Variants in RORA observed in about 807,000 individuals in gnomAD.
RORA encodes the protein RAR related orphan receptor A.
In RORA, 7 loss-of-function variants were observed where a neutral mutation model predicts 69.5. The ratio of observed to expected loss-of-function variants is 0.10; its 90% CI spans 0.06 to 0.19. The LOEUF (loss-of-function observed/expected upper bound fraction) is 0.19. Among genes scored for constraint, RORA ranks in the 10% least tolerant of loss-of-function variants. RORA has a pLI of 1.00. For synonymous variants in RORA, 261 were observed against 240.8 expected, an observed-to-expected ratio of 1.08 and a Z score of -0.78; for missense variants, 457 against 663.0, an observed-to-expected ratio of 0.69 and a Z score of 3.41.
chr15:61,092,256 A>G (rs111259756), intron 1 of RORA, among the ~76,000 whole-genome samples: 1 of 152,246 alleles, frequency 6.6e-6, no homozygotes, highest in African/African-American at 2.4e-5. Context: ...TATGAAACTC[A>G]CTTAAAGGCT....
At chr15:60,783,916 A>G (rs2072298331) in intron 1 of RORA, among the ~76,000 whole-genome samples, 1 of 152,242 alleles carries the variant, frequency 6.6e-6, no homozygotes. Context: ...GGCAAAGAAG[A>G]GAATTTGTAC....
At chr15:61,100,734 C>A (rs946552368) in intron 1 of RORA, among the ~76,000 whole-genome samples, 2 of 152,214 alleles carry the variant, frequency 1.3e-5, no homozygotes, top group Non-Finnish European at 2.9e-5. Flanking sequence ...CATTATCTAT[C>A]ACCAGCACAT....
At position 60,738,561 on chromosome 15, in the gene RORA, G is replaced by A. The variant is rs139738368; in HGVS notation, c.167-59875C>T. Among the ~76,000 whole-genome samples the A allele has an allele frequency of 2.8e-3, 419 of 152,296 alleles. 1 individual carries two copies. Among genetic ancestry groups the A allele is most frequent in the African/African-American group, 9.3e-3 (388 of 41,548 alleles). ...AGTAAAAACTACATTTTATGATATC[G>A]TTGGTATTAAGACAAATATAATCCA... On this transcript the variant is annotated intron_variant, in intron 1 of 10. Coordinates refer to ENST00000335670, the MANE Select transcript of RORA (RefSeq NM_134261.3).
chr15:61,016,918 A>G (rs1895310752), intron 1 of RORA, among the ~76,000 whole-genome samples: 2 of 152,316 alleles, frequency 1.3e-5, no homozygotes, highest in South Asian at 2.1e-4. Flanking sequence ...TGCCCCATAT[A>G]TACTCAGCCG....
intron 2 of RORA, among the ~76,000 whole-genome samples, chr15:60,558,721 A>T (rs1405522327): frequency 1.3e-5 from 2 of 152,192 alleles, no homozygotes; most frequent in Non-Finnish European, 2.9e-5. Flanking sequence ...ATATATTTAA[A>T]TACTTGGGAA....
intron 1 of RORA, among the ~76,000 whole-genome samples, chr15:60,767,486 C>CG (rs1447708411): frequency 6.6e-6 from 1 of 152,158 alleles, no homozygotes; most frequent in Non-Finnish European, 1.5e-5. Context: ...ACACAGCTGA[C>CG]GATAGAGGAG....
At chr15:60,768,106 T>C (rs1310319875) in intron 1 of RORA, among the ~76,000 whole-genome samples, 2 of 152,220 alleles carry the variant, frequency 1.3e-5, no homozygotes, top group Non-Finnish European at 2.9e-5. Flanking sequence ...GTAAATTCTA[T>C]CTGTGTTTTC....
chr15:60,679,012 C>T (rs2070598735), intron 1 of RORA, among the ~76,000 whole-genome samples: 1 of 152,090 alleles, frequency 6.6e-6, no homozygotes, highest in Non-Finnish European at 1.5e-5. Flanking sequence ...TGTTTATAGG[C>T]AGAGTGGGAA....
At chr15:60,916,631 A>C (rs889596424) in intron 1 of RORA, among the ~76,000 whole-genome samples, 2 of 152,050 alleles carry the variant, frequency 1.3e-5, no homozygotes, top group Non-Finnish European at 2.9e-5. Flanking sequence ...TATATTTTTA[A>C]ATACCAATGC....
In RORA at chr15:60,810,593, A is replaced by C. The variant is rs190788280; in HGVS notation, c.167-131907T>G. ...GCTTCTACTCTTCAATTTTTAATTTATTACAGCTCATTATTATTTTTGAGT... is the reference window on the plus strand; with the variant it reads ...GCTTCTACTCTTCAATTTTTAATTTCTTACAGCTCATTATTATTTTTGAGT... On this transcript the variant is annotated intron_variant, in intron 1 of 10. Coordinates refer to ENST00000335670, the MANE Select transcript of RORA (RefSeq NM_134261.3). 1.8e-3 allele frequency among the ~76,000 whole-genome samples: 268 copies of C among 152,184 alleles called. 1 individual carries two copies. The highest frequency in any genetic ancestry group is 5.5e-3 in the Admixed American group (84 of 15,278).
chr15:60,514,875 C>T (rs1241843769), intron 3 of RORA, 118 bp from the exon 4 acceptor site: 46 of 704,162 alleles, frequency 6.5e-5, no homozygotes, highest in Non-Finnish European at 9.8e-5. Context: ...AAACTTGTAG[C>T]AGAATCATCC....
chr15:61,120,132 G>T (rs1167908603), intron 1 of RORA, among the ~76,000 whole-genome samples: 1 of 152,154 alleles, frequency 6.6e-6, no homozygotes, highest in Non-Finnish European at 1.5e-5. Context: ...ATCATCTGGA[G>T]AGTAAATACA....
chr15:60,569,261 TAA>T (rs60382168), intron 2 of RORA, among the ~76,000 whole-genome samples: 7,258 of 89,568 alleles, frequency 0.081, 232 homozygotes, highest in East Asian at 0.17. Flanking sequence ...TTTAAAAAAT[TAA>T]AAAAAAAAAA....
At chr15:60,659,898 G>T (rs1014832231) in intron 2 of RORA, among the ~76,000 whole-genome samples, 1 of 152,100 alleles carries the variant, frequency 6.6e-6, no homozygotes, top group African/African-American at 2.4e-5. Flanking sequence ...GCATTTTAAA[G>T]TAAATCTTGG....
chr15:60,510,176 G>A (rs1157884139), intron 5 of RORA, among the ~76,000 whole-genome samples: 6 of 152,104 alleles, frequency 3.9e-5, no homozygotes, highest in African/African-American at 1.2e-4. Context: ...TTCTCTCCTT[G>A]TATTAACTTA....
chr15:61,185,754 C>G (rs2079735240), intron 1 of RORA, among the ~76,000 whole-genome samples: 1 of 152,176 alleles, frequency 6.6e-6, no homozygotes, highest in South Asian at 2.1e-4. Context: ...CTATCTGCAC[C>G]TCAGGCCCAG....
chr15:61,117,296 AT>A (rs1439249447), intron 1 of RORA, among the ~76,000 whole-genome samples: 1 of 152,122 alleles, frequency 6.6e-6, no homozygotes, highest in Non-Finnish European at 1.5e-5. Flanking sequence ...CCAAAAAAAA[AT>A]CATTCAAAGA....
intron 5 of RORA, among the ~76,000 whole-genome samples, chr15:60,507,925 C>T (rs891169306): frequency 2.0e-5 from 3 of 152,118 alleles, no homozygotes; most frequent in Non-Finnish European, 2.9e-5. Flanking sequence ...TTATCCCTAC[C>T]TATTTAAAAC....
At chr15:61,001,121 C>A (rs1029863129) in intron 1 of RORA, among the ~76,000 whole-genome samples, 1 of 152,232 alleles carries the variant, frequency 6.6e-6, no homozygotes, top group African/African-American at 2.4e-5. Context: ...GTCCTTCCAA[C>A]ATTCTGGCCC....
Sources: allele counts gnomAD v4.1 joint callset (sites outside exome capture counted in the v4.1 genomes callset), GRCh38; gene constraint gnomAD v4.1.1; transcripts MANE v1.5; gene names NCBI Gene and HGNC (gene_info 2026-07-23, HGNC 2026-07-21).